The following VAV2 variants were observed in gnomAD, a reference collection of about 807,000 sequenced individuals.
VAV2 encodes the protein vav guanine nucleotide exchange factor 2.
In VAV2, 67 loss-of-function variants were observed where a neutral mutation model predicts 132.5. That is an observed-to-expected ratio of 0.51 (90% CI 0.42 to 0.62). The LOEUF (loss-of-function observed/expected upper bound fraction) is 0.62, where lower values mean the gene tolerates loss of function less well. Ranked by LOEUF, VAV2 falls within the 20% of genes least tolerant of loss-of-function variation. VAV2 has a pLI of 0.00. For missense variants in VAV2, 938 were observed against 1,153.6 expected, an observed-to-expected ratio of 0.81 and a Z score of 2.71; for synonymous variants, 492 against 443.5, an observed-to-expected ratio of 1.11 and a Z score of -1.37.
intron 1 of VAV2, among the ~76,000 whole-genome samples, chr9:133,979,359 C>T (rs1390505958): frequency 2.0e-5 from 3 of 152,198 alleles, no homozygotes; most frequent in Non-Finnish European, 1.5e-5. Context: ...AGAGGCTCAA[C>T]GCTGTGTGTG....
chr9:133,783,405 G>C (rs573172024), intron 19 of VAV2, 98 bp downstream of exon 19: 10 of 1,212,054 alleles, frequency 8.3e-6, no homozygotes, highest in Non-Finnish European at 1.1e-5. Flanking sequence ...TCGCTGCCCC[G>C]TGGGAGATGG....
Position 133,961,969 on chromosome 9 carries a change from G to A in VAV2, c.205-22750C>T, listed in dbSNP as rs1841980216. 6.6e-6 allele frequency among the ~76,000 whole-genome samples: 1 copy of A among 152,130 alleles called. No homozygotes were observed. The highest frequency in any genetic ancestry group is 1.5e-5 in the Non-Finnish European group (1 of 68,012). ...AGCATCATCCCCCATGCCGGGTGCT[G>A]GGGACCCTCTTCCTGAATGGTCCTC... On this transcript the variant is annotated intron_variant, in intron 1 of 29. Transcript: ENST00000371850. The surrounding 1 kb of genome is among the most constrained non-coding windows in gnomAD (Gnocchi z 4.1).
chr9:133,829,030 T>C (rs899404216), intron 4 of VAV2, among the ~76,000 whole-genome samples: 1 of 152,186 alleles, frequency 6.6e-6, no homozygotes, highest in African/African-American at 2.4e-5. Context: ...ATCTTGTGCA[T>C]GTCACTCTTC....
intron 3 of VAV2, among the ~76,000 whole-genome samples, chr9:133,852,857 C>G (rs998088553): frequency 2.6e-5 from 4 of 152,180 alleles, no homozygotes; most frequent in African/African-American, 9.7e-5. Context: ...GGGGCACAGC[C>G]CCTGCTGACC....
chr9:133,780,168 C>A, intron 20 of VAV2: 1 of 568,648 alleles, frequency 1.8e-6, no homozygotes, highest in Non-Finnish European at 3.0e-6. Context: ...TTCTCTCTCC[C>A]ACTCCTTACC....
At chr9:133,845,393 G>A (rs904783367) in intron 3 of VAV2, among the ~76,000 whole-genome samples, 1 of 152,210 alleles carries the variant, frequency 6.6e-6, no homozygotes, top group Admixed American at 6.5e-5. Flanking sequence ...ATCCCTACTC[G>A]GAGAGCTGGG....
intron 3 of VAV2, among the ~76,000 whole-genome samples, chr9:133,858,840 C>T (rs1473580013): frequency 6.6e-6 from 1 of 152,202 alleles, no homozygotes; most frequent in Non-Finnish European, 1.5e-5. Context: ...CTCGGGTCTC[C>T]TGTGGGGTGG....
chr9:133,944,308 C>T (rs1344869721), intron 1 of VAV2, among the ~76,000 whole-genome samples: 3 of 152,176 alleles, frequency 2.0e-5, no homozygotes, highest in Non-Finnish European at 4.4e-5. Flanking sequence ...GACAGGCCTG[C>T]CTCGCCCTCC....
intron 1 of VAV2, among the ~76,000 whole-genome samples, chr9:133,979,919 A>T (rs1449282361): frequency 2.6e-5 from 4 of 152,128 alleles, no homozygotes; most frequent in Non-Finnish European, 5.9e-5. Context: ...TCTCATCTGA[A>T]AGTGCCATCT....
chr9:133,888,078 C>T (rs1390675057), intron 2 of VAV2, among the ~76,000 whole-genome samples: 1 of 152,194 alleles, frequency 6.6e-6, no homozygotes, highest in Non-Finnish European at 1.5e-5. Flanking sequence ...GGGAAATAAG[C>T]CAGTCACAAA....
chr9:133,951,165 A>G (rs1281323920), intron 1 of VAV2, among the ~76,000 whole-genome samples: 1 of 152,206 alleles, frequency 6.6e-6, no homozygotes, highest in Non-Finnish European at 1.5e-5. Flanking sequence ...TCAGAAACCA[A>G]AGGCAGGCAC....
intron 18 of VAV2, among the ~76,000 whole-genome samples, chr9:133,783,877 G>GTT (rs56069048): frequency 0.016 from 1,381 of 85,108 alleles, 49 homozygotes; most frequent in African/African-American, 0.059. Context: ...TGGCTGGGCC[G>GTT]TTTTTTTTTT....
intron 9 of VAV2, among the ~76,000 whole-genome samples, chr9:133,801,488 C>T (rs1432717658): frequency 2.0e-5 from 3 of 152,320 alleles, no homozygotes; most frequent in South Asian, 2.1e-4. Context: ...ACTCTCTCTC[C>T]GTGGAGTCCA....
chr9:133,801,162 A>G (rs1010573146), intron 9 of VAV2, among the ~76,000 whole-genome samples: 2 of 152,168 alleles, frequency 1.3e-5, no homozygotes, highest in African/African-American at 4.8e-5. Context: ...AGGTCCTTCT[A>G]TCCATTTGAT....
At chr9:133,832,849 G>T (rs1554785367) in intron 4 of VAV2, among the ~76,000 whole-genome samples, 1 of 151,318 alleles carries the variant, frequency 6.6e-6, no homozygotes, top group Non-Finnish European at 1.5e-5. Context: ...GGAGTGAGCA[G>T]TTTTTTTTTG....
Position 133,834,961 on chromosome 9 carries a change from G to A in VAV2, c.381-621C>T, listed in dbSNP as rs572272173. ...TACAAAGGGAGCAGAAGCCCCATGG[G>A]GTCTCCCCAGAAGGAACGCGGCGGT... On this transcript the variant is annotated intron_variant, in intron 3 of 29. Coordinates refer to ENST00000371850, the MANE Select transcript of VAV2 (RefSeq NM_001134398.2). The surrounding 1 kb of genome is among the most constrained non-coding windows in gnomAD (Gnocchi z 5.9). Among the ~76,000 whole-genome samples the A allele has an allele frequency of 3.3e-5, 5 of 152,220 alleles. No individual in the cohort carries two copies. In the South Asian group the frequency reaches 8.3e-4, roughly 25 times the overall value.
intron 25 of VAV2, among the ~76,000 whole-genome samples, chr9:133,773,867 C>T (rs755972128): frequency 1.3e-5 from 2 of 152,160 alleles, no homozygotes; most frequent in Non-Finnish European, 2.9e-5. Flanking sequence ...ATTGTTTGTC[C>T]TATGCTTCTA....
At chr9:133,814,337 C>T (rs1336732465) in intron 4 of VAV2, among the ~76,000 whole-genome samples, 1 of 152,250 alleles carries the variant, frequency 6.6e-6, no homozygotes, top group East Asian at 1.9e-4. Context: ...ACCAGGGATG[C>T]AGGCAAGTGA....
intron 1 of VAV2, among the ~76,000 whole-genome samples, chr9:133,978,719 G>A (rs978454751): frequency 6.6e-6 from 1 of 152,276 alleles, no homozygotes; most frequent in Non-Finnish European, 1.5e-5. Context: ...CCAGGCAGCA[G>A]GAGACCTAAC....
Sources: allele counts gnomAD v4.1 joint callset (sites outside exome capture counted in the v4.1 genomes callset), GRCh38; gene constraint gnomAD v4.1.1; non-coding constraint Gnocchi (gnomAD v3.1); transcripts MANE v1.5; gene names NCBI Gene and HGNC (gene_info 2026-07-23, HGNC 2026-07-21).